Variants in ALK observed in about 807,000 individuals in gnomAD.
ALK encodes ALK receptor tyrosine kinase, also known as ALK tyrosine kinase receptor.
A neutral mutation model predicts 163.1 loss-of-function variants in ALK; 74 were observed. The ratio of observed to expected loss-of-function variants is 0.45; its 90% CI spans 0.38 to 0.55. ALK has a LOEUF of 0.55. Among genes scored for constraint, ALK ranks in the 20% least tolerant of loss-of-function variants. ALK has a pLI of 0.00. For missense variants in ALK, 2,063 were observed against 2,105.3 expected (o/e 0.98, Z 0.39); for synonymous variants, 960 against 843.2 (o/e 1.14, Z -2.40).
intron 1 of ALK, among the ~76,000 whole-genome samples, chr2:29,802,739 C>T (rs1664517187): frequency 6.6e-6 from 1 of 151,218 alleles, no homozygotes; most frequent in Non-Finnish European, 1.5e-5. Context: ...CTTGTACCTA[C>T]ACTGGAAAGG....
At chr2:29,318,556 C>G in intron 7 of ALK, 152 bp from the exon 8 acceptor site, 1 of 643,710 alleles carries the variant, frequency 1.6e-6, no homozygotes. Context: ...GAAAGCCCAC[C>G]TGTCAACAAT....
At chr2:29,805,976 G>A (rs1456446612) in intron 1 of ALK, among the ~76,000 whole-genome samples, 1 of 152,166 alleles carries the variant, frequency 6.6e-6, no homozygotes. Context: ...CAGCACATTT[G>A]ACAAGCCATG....
At chr2:29,234,808 G>A (rs1178207617) in intron 13 of ALK, among the ~76,000 whole-genome samples, 1 of 152,192 alleles carries the variant, frequency 6.6e-6, no homozygotes, top group Non-Finnish European at 1.5e-5. Flanking sequence ...GCAATGGCAC[G>A]ACCTTGGCCC....
At chr2:29,391,306 G>T (rs867597249) in intron 4 of ALK, among the ~76,000 whole-genome samples, 16 of 37,226 alleles carry the variant, frequency 4.3e-4, no homozygotes, top group African/African-American at 2.0e-3. Context: ...TCTTTTTTTT[G>T]GGGGGGGGGT....
At chr2:29,417,113 G>A (rs923613435) in intron 4 of ALK, among the ~76,000 whole-genome samples, 6 of 148,672 alleles carry the variant, frequency 4.0e-5, no homozygotes, top group African/African-American at 7.5e-5. Flanking sequence ...TCAGCCTCCC[G>A]GGTAGCTGGG....
intron 3 of ALK, among the ~76,000 whole-genome samples, chr2:29,544,132 G>A (rs1005358102): frequency 3.3e-5 from 5 of 152,188 alleles, no homozygotes; most frequent in African/African-American, 1.2e-4. Context: ...CTAAGGAAAA[G>A]CAGAGGTTTA....
chr2:29,872,255 G>C (rs768193690), intron 1 of ALK, among the ~76,000 whole-genome samples: 3 of 152,220 alleles, frequency 2.0e-5, no homozygotes, highest in Non-Finnish European at 2.9e-5. Flanking sequence ...GAGCAGGGGA[G>C]GGGATGCAGC....
chr2:29,472,140 G>A (rs1189979604), intron 4 of ALK, among the ~76,000 whole-genome samples: 1 of 152,242 alleles, frequency 6.6e-6, no homozygotes, highest in Non-Finnish European at 1.5e-5. Flanking sequence ...GAGAAAGCCT[G>A]AATTAGCCTC....
intron 4 of ALK, among the ~76,000 whole-genome samples, chr2:29,493,950 G>C (rs2148126695): frequency 6.6e-6 from 1 of 152,356 alleles, no homozygotes; most frequent in East Asian, 1.9e-4. Context: ...TTCTGACAGA[G>C]AGGAGGAGAC....
intron 26 of ALK, among the ~76,000 whole-genome samples, chr2:29,200,129 G>A (rs1042475387): frequency 5.3e-5 from 8 of 152,088 alleles, no homozygotes; most frequent in Non-Finnish European, 1.0e-4. Flanking sequence ...TCTGTTTGGA[G>A]ATCTCTTGAT....
intron 5 of ALK, among the ~76,000 whole-genome samples, chr2:29,349,464 C>G (rs888755722): frequency 2.6e-5 from 4 of 152,206 alleles, no homozygotes; most frequent in African/African-American, 9.7e-5. Flanking sequence ...GTGGGGAAAT[C>G]AGAGTGCATT....
At chr2:29,858,698 G>T (rs1210464149) in intron 1 of ALK, among the ~76,000 whole-genome samples, 1 of 149,990 alleles carries the variant, frequency 6.7e-6, no homozygotes, top group Non-Finnish European at 1.5e-5. Flanking sequence ...AGCCAAGATT[G>T]CCTCACTGCA....
rs10654058 is a variant in ALK, at chr2:29,396,836, GTTTTT to G, written c.1155-12982_1155-12978del. ...TACCCAGAGGCCCTTTGTTACTATG[GTTTTT>G]TTTTTTTTTTTTTTTTTTTGCTACT... On this transcript the variant is annotated intron_variant, in intron 4 of 28. Coordinates refer to ENST00000389048, the MANE Select transcript of ALK (RefSeq NM_004304.5). Among the ~76,000 whole-genome samples, 311 of 46,610 alleles carry G rather than the reference GTTTTT, an allele frequency of 6.7e-3. 3 individuals are homozygous for G. Among genetic ancestry groups the G allele is most frequent in the African/African-American group, 0.027 (295 of 10,730 alleles). The allele number at this position is 46,610 out of a possible 152,430, so 30.6% of individuals were successfully genotyped here. A position where few individuals can be genotyped will look rare whatever the true frequency, so the allele number is the denominator to read the frequency against.
intron 18 of ALK, among the ~76,000 whole-genome samples, chr2:29,225,806 C>T (rs72852040): frequency 2.0e-5 from 3 of 152,072 alleles, no homozygotes; most frequent in Non-Finnish European, 4.4e-5. Context: ...ATATCAGTGG[C>T]GGGATGTTGG....
intron 3 of ALK, among the ~76,000 whole-genome samples, chr2:29,544,524 A>G (rs1188270553): frequency 9.9e-5 from 15 of 152,148 alleles, no homozygotes; most frequent in Admixed American, 9.8e-4. Context: ...CCTCTAATCT[A>G]TTTCTGCTGC....
At chr2:29,709,898 C>T (rs141685030) in intron 2 of ALK, among the ~76,000 whole-genome samples, 5 of 152,320 alleles carry the variant, frequency 3.3e-5, no homozygotes, top group Non-Finnish European at 7.4e-5. Context: ...GGGTATCACA[C>T]ATGCATACAA....
intron 27 of ALK, 47 bp from the exon 28 acceptor site, chr2:29,196,907 GA>G: frequency 1.3e-6 from 2 of 1,485,494 alleles, no homozygotes; most frequent in Non-Finnish European, 1.9e-6. Flanking sequence ...GCACAATGAT[GA>G]AAAATATATT....
intron 1 of ALK, among the ~76,000 whole-genome samples, chr2:29,726,783 T>C (rs1679588620): frequency 6.6e-6 from 1 of 152,236 alleles, no homozygotes; most frequent in Non-Finnish European, 1.5e-5. Context: ...TTCAGAGGCA[T>C]CTGCTTTTGT....
chr2:29,293,513 AG>A (rs1479456241), intron 9 of ALK, among the ~76,000 whole-genome samples: 1 of 152,198 alleles, frequency 6.6e-6, no homozygotes, highest in Non-Finnish European at 1.5e-5. Context: ...TATAGAGTAT[AG>A]GTGTCTGGGG....
Sources: allele counts gnomAD v4.1 joint callset (sites outside exome capture counted in the v4.1 genomes callset), GRCh38; gene constraint gnomAD v4.1.1; transcripts MANE v1.5; gene names NCBI Gene and HGNC (gene_info 2026-07-23, HGNC 2026-07-21).